LUZP2: variants seen among roughly 807,000 people sequenced by gnomAD.
The protein encoded by LUZP2 is leucine zipper protein 2.
LUZP2 carries 52 observed loss-of-function variants against 51.6 expected under a neutral mutation model. The observed-to-expected ratio is 1.01, with a 90% CI of 0.81 to 1.27. LUZP2 has a LOEUF of 1.27. LUZP2 is among the 50% of genes most tolerant of loss of function. The pLI, the probability that LUZP2 is intolerant of heterozygous loss-of-function variation, is 0.00. For missense variants in LUZP2, 436 were observed against 395.4 expected (o/e 1.10, Z -0.87); for synonymous variants, 154 against 137.3 (o/e 1.12, Z -0.85).
At chr11:24,967,479 T>C (rs1482792658) in intron 7 of LUZP2, among the ~76,000 whole-genome samples, 1 of 151,998 alleles carries the variant, frequency 6.6e-6, no homozygotes, top group Non-Finnish European at 1.5e-5. Context: ...TCTCTTTTTT[T>C]CATACTCTTT....
At chr11:24,890,894 C>T (rs371409276) in intron 5 of LUZP2, 841 of 739,778 alleles carry the variant, frequency 1.1e-3, no homozygotes, top group Admixed American at 7.2e-3. Context: ...AGTAAAAGTT[C>T]TTTTTTTTTT....
At chr11:24,656,816 T>TC (rs1855822357) in intron 1 of LUZP2, among the ~76,000 whole-genome samples, 1 of 152,186 alleles carries the variant, frequency 6.6e-6, no homozygotes, top group South Asian at 2.1e-4. Flanking sequence ...CCTCTGCGTA[T>TC]CCCCCTCATC....
At chr11:24,840,886 A>T (rs1851007457) in intron 5 of LUZP2, among the ~76,000 whole-genome samples, 1 of 152,076 alleles carries the variant, frequency 6.6e-6, no homozygotes, top group African/African-American at 2.4e-5. Context: ...ATTCAATGCT[A>T]GCAAAAAGCC....
chr11:24,585,975 G>A (rs1805700598), intron 1 of LUZP2, among the ~76,000 whole-genome samples: 1 of 151,982 alleles, frequency 6.6e-6, no homozygotes, highest in Non-Finnish European at 1.5e-5. Context: ...TTTTTGTATT[G>A]ATCTATACCT....
intron 5 of LUZP2, chr11:24,891,072 T>C: frequency 2.0e-6 from 2 of 983,830 alleles, no homozygotes; most frequent in Non-Finnish European, 2.4e-6. Flanking sequence ...CTGAGAAACG[T>C]TCAAAAATGA....
intron 1 of LUZP2, among the ~76,000 whole-genome samples, chr11:24,554,928 A>G (rs1359756447): frequency 2.0e-5 from 3 of 152,148 alleles, no homozygotes; most frequent in Non-Finnish European, 4.4e-5. Context: ...GCAGTAAGAT[A>G]TCAATACAAT....
At position 24,915,557 on chromosome 11, in the gene LUZP2, G is replaced by C. The variant is rs186350332; in HGVS notation, c.522+1019G>C. On this transcript the variant is annotated intron_variant, in intron 7 of 11. Transcript: ENST00000336930. ...AACCTTAGCATTTTTAGCAATTTTA[G>C]ATTCTATTGTGAAAGACTGTTTCTT... is the stretch of plus-strand genomic sequence containing the variant. Among the ~76,000 whole-genome samples, 726 of 152,220 alleles carry C rather than the reference G, an allele frequency of 4.8e-3. 6 individuals are homozygous for C. Among genetic ancestry groups the C allele is most frequent in the African/African-American group, 0.012 (508 of 41,550 alleles).
intron 10 of LUZP2, among the ~76,000 whole-genome samples, chr11:25,064,980 C>T (rs1379675331): frequency 2.0e-5 from 3 of 152,028 alleles, no homozygotes; most frequent in Non-Finnish European, 4.4e-5. Context: ...TAACCAACTA[C>T]TCAGACCAAT....
intron 4 of LUZP2, among the ~76,000 whole-genome samples, chr11:24,758,438 G>A (rs900943887): frequency 4.6e-5 from 7 of 151,706 alleles, no homozygotes; most frequent in African/African-American, 1.5e-4. Context: ...ATATCACTGG[G>A]ATCAACACTT....
intron 5 of LUZP2, among the ~76,000 whole-genome samples, chr11:24,804,066 G>C (rs1381202533): frequency 6.6e-6 from 1 of 151,218 alleles, no homozygotes; most frequent in Non-Finnish European, 1.5e-5. Flanking sequence ...CAAATATATG[G>C]GTTTTCCACT....
chr11:24,576,584 T>C (rs1852659634), intron 1 of LUZP2, among the ~76,000 whole-genome samples: 1 of 151,998 alleles, frequency 6.6e-6, no homozygotes, highest in Non-Finnish European at 1.5e-5. Flanking sequence ...TTCTAAAGAT[T>C]TGTTAAAGAA....
chr11:24,934,545 T>G (rs1264480498), intron 7 of LUZP2, among the ~76,000 whole-genome samples: 1 of 152,190 alleles, frequency 6.6e-6, no homozygotes, highest in Admixed American at 6.5e-5. Context: ...TACTTAAATT[T>G]TACCTTTCTT....
chr11:24,562,134 A>G (rs1852060414), intron 1 of LUZP2, among the ~76,000 whole-genome samples: 1 of 152,132 alleles, frequency 6.6e-6, no homozygotes, highest in Admixed American at 6.5e-5. Context: ...TAATGGAAAA[A>G]GGTTTAAAAA....
intron 5 of LUZP2, among the ~76,000 whole-genome samples, chr11:24,821,108 T>G (rs1333808247): frequency 2.0e-5 from 3 of 152,186 alleles, no homozygotes; most frequent in African/African-American, 4.8e-5. Flanking sequence ...ATATGTAGTC[T>G]TAAAAATTAG....
chr11:24,763,109 A>G (rs1352620824), intron 4 of LUZP2, 137 bp from the exon 5 acceptor site: 10 of 520,976 alleles, frequency 1.9e-5, no homozygotes, highest in Non-Finnish European at 2.4e-5. Context: ...GTTTTGATTA[A>G]GGAACAGTGT....
chr11:24,862,915 AT>A, intron 5 of LUZP2, among the ~76,000 whole-genome samples: 1 of 152,298 alleles, frequency 6.6e-6, no homozygotes, highest in East Asian at 1.9e-4. Flanking sequence ...TTCAAATAAG[AT>A]TTTTTTAAGA....
At chr11:25,071,128 T>TC (rs58522305) in intron 10 of LUZP2, among the ~76,000 whole-genome samples, 136,479 of 151,890 alleles carry the variant, frequency 0.9, 62,325 homozygotes, top group Non-Finnish European at 0.98. Flanking sequence ...TGAGGTATGA[T>TC]AATGTGTTTT....
rs185128040 is a variant in LUZP2, at chr11:24,991,215, C to T, written c.765+7922C>T. On this transcript the variant is annotated intron_variant, in intron 9 of 11. Coordinates refer to ENST00000336930, the MANE Select transcript of LUZP2 (RefSeq NM_001009909.4). ...ACTCCCACTTATGAGTGAGAACGTA[C>T]GATGTTTGGTTTTCCATTCCTGAGT... 3.2e-3 allele frequency among the ~76,000 whole-genome samples: 479 copies of T among 151,872 alleles called. 4 individuals are homozygous for T. The highest frequency in any genetic ancestry group is 0.011 in the African/African-American group (462 of 41,486).
At chr11:24,956,150 G>A (rs192741998) in intron 7 of LUZP2, among the ~76,000 whole-genome samples, 209 of 152,028 alleles carry the variant, frequency 1.4e-3, no homozygotes, top group African/African-American at 4.6e-3. Flanking sequence ...TCATATGTGT[G>A]GGACATACAA....
Sources: allele counts gnomAD v4.1 joint callset (sites outside exome capture counted in the v4.1 genomes callset), GRCh38; gene constraint gnomAD v4.1.1; transcripts MANE v1.5; gene names NCBI Gene and HGNC (gene_info 2026-07-23, HGNC 2026-07-21).